Variants in TCF12 observed in about 807,000 individuals in gnomAD.
TCF12 encodes the protein DNA-binding protein HTF4.
TCF12 carries 45 observed loss-of-function variants against 86.0 expected under a neutral mutation model. That is an observed-to-expected ratio of 0.52 (90% CI 0.41 to 0.67). The LOEUF (loss-of-function observed/expected upper bound fraction) is 0.67, where lower values mean the gene tolerates loss of function less well. Among genes scored for constraint, TCF12 ranks in the 30% least tolerant of loss-of-function variants. The pLI is 0.00. For missense variants in TCF12, 881 were observed against 859.9 expected (o/e 1.02, Z -0.31); for synonymous variants, 330 against 299.6 (o/e 1.10, Z -1.05).
intron 3 of TCF12, among the ~76,000 whole-genome samples, chr15:56,941,321 C>A (rs1383516427): frequency 6.6e-6 from 1 of 151,930 alleles, no homozygotes; most frequent in Admixed American, 6.6e-5. Context: ...AAGCCAAGAT[C>A]GTGCCACTGC....
At chr15:57,240,897 A>AAAAG (rs1555405721) in intron 12 of TCF12, among the ~76,000 whole-genome samples, 11 of 151,068 alleles carry the variant, frequency 7.3e-5, no homozygotes, top group Non-Finnish European at 1.3e-4. Flanking sequence ...AAAAAAAAAA[A>AAAAG]AAAAGAAAGG....
chr15:56,985,537 A>G (rs1567206642), intron 3 of TCF12, among the ~76,000 whole-genome samples: 2 of 152,164 alleles, frequency 1.3e-5, no homozygotes, highest in Admixed American at 6.5e-5. Flanking sequence ...ATCAAACTCT[A>G]CTTTTTCATA....
intron 3 of TCF12, among the ~76,000 whole-genome samples, chr15:57,014,120 G>C (rs1261813612): frequency 1.3e-5 from 2 of 152,104 alleles, no homozygotes; most frequent in Non-Finnish European, 2.9e-5. Context: ...GACTACATTG[G>C]ACCTTTGACT....
chr15:56,921,233 G>A, intron 3 of TCF12, 135 bp downstream of exon 3: 1 of 498,262 alleles, frequency 2.0e-6, no homozygotes, highest in Non-Finnish European at 3.1e-6. Context: ...GTGATAATTA[G>A]TAAGATTTAT....
intron 3 of TCF12, among the ~76,000 whole-genome samples, chr15:57,017,006 A>G (rs1220573861): frequency 3.3e-5 from 5 of 152,056 alleles, no homozygotes; most frequent in African/African-American, 9.7e-5. Context: ...GGGATAAGGG[A>G]ACTGATGCAA....
At chr15:57,247,761 G>C (rs190800663) in intron 13 of TCF12, 32 of 741,336 alleles carry the variant, frequency 4.3e-5, no homozygotes, top group Admixed American at 1.1e-4. Context: ...GCCTTGTGTG[G>C]TCTAGCACAC....
intron 5 of TCF12, among the ~76,000 whole-genome samples, chr15:57,099,784 A>G (rs1041764139): frequency 6.6e-6 from 1 of 152,000 alleles, no homozygotes; most frequent in African/African-American, 2.4e-5. Context: ...TTGTTTATAT[A>G]TTATGGGATA....
At chr15:57,096,748 T>C (rs1294865411) in intron 5 of TCF12, among the ~76,000 whole-genome samples, 2 of 152,202 alleles carry the variant, frequency 1.3e-5, no homozygotes, top group African/African-American at 2.4e-5. Flanking sequence ...AAATTGTGGT[T>C]GATTGATTTC....
chr15:57,141,609 GA>G (rs1452632905), intron 5 of TCF12, among the ~76,000 whole-genome samples: 3 of 152,128 alleles, frequency 2.0e-5, no homozygotes, highest in African/African-American at 7.2e-5. Flanking sequence ...TCAGCCTCCC[GA>G]AGTGCTGGGA....
intron 3 of TCF12, among the ~76,000 whole-genome samples, chr15:57,005,488 A>G (rs1364778635): frequency 6.6e-5 from 10 of 152,254 alleles, no homozygotes; most frequent in African/African-American, 2.4e-4. Context: ...TGTTGTAGCA[A>G]AACAGAATGA....
At chr15:57,130,078 A>G (rs2051988390) in intron 5 of TCF12, 1 of 152,242 alleles carries the variant, frequency 6.6e-6, no homozygotes, top group Non-Finnish European at 1.5e-5. Flanking sequence ...ATCGAATTTA[A>G]TAGACTGTCT....
At chr15:57,054,938 T>C (rs1407245919) in intron 3 of TCF12, among the ~76,000 whole-genome samples, 2 of 152,086 alleles carry the variant, frequency 1.3e-5, no homozygotes, top group Non-Finnish European at 2.9e-5. Context: ...CTTTATGCTA[T>C]AGTTATCATG....
intron 3 of TCF12, among the ~76,000 whole-genome samples, chr15:57,001,645 C>G (rs577374919): frequency 6.6e-6 from 1 of 152,284 alleles, no homozygotes; most frequent in East Asian, 1.9e-4. Context: ...CTGGATTTGT[C>G]TGACTTTCCT....
At chr15:57,145,203 T>A (rs1490263592) in intron 5 of TCF12, among the ~76,000 whole-genome samples, 1 of 152,192 alleles carries the variant, frequency 6.6e-6, no homozygotes, top group Non-Finnish European at 1.5e-5. Context: ...TGTCCATAGC[T>A]AATATTGGGA....
intron 3 of TCF12, among the ~76,000 whole-genome samples, chr15:56,965,951 T>C (rs1257276700): frequency 6.6e-6 from 1 of 152,230 alleles, no homozygotes; most frequent in African/African-American, 2.4e-5. Context: ...TTAGAAAATG[T>C]ATTGCAATTG....
chr15:56,928,253 CTATA>C (rs1191167888), intron 3 of TCF12, among the ~76,000 whole-genome samples: 7 of 151,920 alleles, frequency 4.6e-5, no homozygotes, highest in African/African-American at 1.5e-4. Flanking sequence ...ATAAGGTTAT[CTATA>C]TATTTTTTTC....
chr15:56,924,964 C>T lies in TCF12; in HGVS notation c.148+3866C>T, dbSNP rs532159552. Among the ~76,000 whole-genome samples the T allele has an allele frequency of 1.2e-4, 19 of 152,146 alleles. 1 individual carries two copies. The South Asian group carries it at 1.7e-3, about 13-fold the overall frequency. ...CTGTAATCCCAGCACTTTGGGAGGC[C>T]GAGGTGGGTGGATCACATGAGGTCA... is the stretch of plus-strand genomic sequence containing the variant. On this transcript the variant is annotated intron_variant, in intron 3 of 20. Transcript: ENST00000333725.
At chr15:56,944,399 T>G (rs2060906930) in intron 3 of TCF12, among the ~76,000 whole-genome samples, 1 of 152,204 alleles carries the variant, frequency 6.6e-6, no homozygotes, top group Admixed American at 6.5e-5. Flanking sequence ...CTTATCTAAA[T>G]AAATAATTGT....
chr15:57,103,279 GTA>G (rs1372216256), intron 5 of TCF12, among the ~76,000 whole-genome samples: 58 of 152,292 alleles, frequency 3.8e-4, no homozygotes, highest in African/African-American at 1.4e-3. Context: ...AGTTTATAAA[GTA>G]TGTAATTTTA....
Sources: allele counts gnomAD v4.1 joint callset (sites outside exome capture counted in the v4.1 genomes callset), GRCh38; gene constraint gnomAD v4.1.1; transcripts MANE v1.5; gene names NCBI Gene and HGNC (gene_info 2026-07-23, HGNC 2026-07-21).